The following RALGAPA1 variants were observed in gnomAD, a reference collection of about 807,000 sequenced individuals.
RALGAPA1 encodes ral GTPase-activating protein subunit alpha-1.
A neutral mutation model predicts 269.6 loss-of-function variants in RALGAPA1; 52 were observed. That is an observed-to-expected ratio of 0.19 (90% CI 0.15 to 0.24). The LOEUF (loss-of-function observed/expected upper bound fraction) is 0.24, where lower values mean the gene tolerates loss of function less well. Ranked by LOEUF, RALGAPA1 falls within the 10% of genes least tolerant of loss-of-function variation. RALGAPA1 has a pLI of 1.00. For synonymous variants in RALGAPA1, 817 were observed against 1,008.3 expected, an observed-to-expected ratio of 0.81 and a Z score of 3.60; for missense variants, 1,917 against 3,013.9, an observed-to-expected ratio of 0.64 and a Z score of 8.52.
In RALGAPA1 at chr14:35,723,277, A is replaced by G; in HGVS notation, c.1867-13T>C. The G allele has an allele frequency of 7.1e-7, 1 of 1,412,480 alleles. No individual in the cohort carries two copies. Among genetic ancestry groups the G allele is most frequent in the Non-Finnish European group, 9.9e-7 (1 of 1,011,948 alleles). 87.5% of individuals were successfully genotyped at this position (1,412,480 alleles called of 1,614,324 possible). A position where few individuals can be genotyped will look rare whatever the true frequency, so the allele number is the denominator to read the frequency against. ...CAACTATAAGGGTCTATAAAGACAA[A>G]TATCAGAAATAACAATAAAATGTGT... On this transcript the variant is annotated splice_polypyrimidine_tract_variant and intron_variant, in intron 14 of 41. Transcript: ENST00000680220.
chr14:35,786,915 A>G (rs1282542802), intron 1 of RALGAPA1, among the ~76,000 whole-genome samples: 1 of 152,198 alleles, frequency 6.6e-6, no homozygotes, highest in East Asian at 1.9e-4. Flanking sequence ...TACATCTCAT[A>G]TATGAGTGTG....
chr14:35,603,021 G>T (rs568908871), intron 36 of RALGAPA1, among the ~76,000 whole-genome samples: 1 of 152,136 alleles, frequency 6.6e-6, no homozygotes, highest in Non-Finnish European at 1.5e-5. Context: ...GATGGTTGTG[G>T]CACCCTTGTC....
intron 4 of RALGAPA1, among the ~76,000 whole-genome samples, chr14:35,769,694 G>A (rs1292260325): frequency 6.6e-6 from 1 of 151,964 alleles, no homozygotes; most frequent in Non-Finnish European, 1.5e-5. Context: ...TTACTCTAAG[G>A]AATAACTTGA....
chr14:35,800,157 C>T (rs987117692), intron 1 of RALGAPA1, among the ~76,000 whole-genome samples: 3 of 152,176 alleles, frequency 2.0e-5, no homozygotes, highest in African/African-American at 7.2e-5. Flanking sequence ...CTTCAGCCCT[C>T]TTCTCTCAGT....
chr14:35,688,364 A>G, intron 18 of RALGAPA1, 95 bp downstream of exon 18: 1 of 1,426,746 alleles, frequency 7.0e-7, no homozygotes, highest in East Asian at 2.5e-5. Flanking sequence ...TGACCATCCC[A>G]AAGCTTTTTG....
chr14:35,773,905 AATTATT>A (rs547517754), intron 3 of RALGAPA1, among the ~76,000 whole-genome samples: 7 of 151,134 alleles, frequency 4.6e-5, no homozygotes, highest in Non-Finnish European at 8.8e-5. Flanking sequence ...CTAAAGAGTG[AATTATT>A]ATTATTATTA....
In RALGAPA1 at chr14:35,671,537, G is replaced by GA. The variant is rs1555397889; in HGVS notation, c.5074-21dup. 7 of 1,386,712 alleles carry GA rather than the reference G, an allele frequency of 5.0e-6. No homozygotes were observed. Among genetic ancestry groups the GA allele is most frequent in the Non-Finnish European group, 7.1e-6 (7 of 984,818 alleles). 85.9% of individuals were successfully genotyped at this position (1,386,712 alleles called of 1,614,324 possible). A position where few individuals can be genotyped will look rare whatever the true frequency, so the allele number is the denominator to read the frequency against. ...AATATCCTTAGAATAAGGAAAGAAGGAAAAAAGAATATCACATATGTAATC... is the reference window on the plus strand; with the variant it reads ...AATATCCTTAGAATAAGGAAAGAAGGAAAAAAAGAATATCACATATGTAATC... On this transcript the variant is annotated intron_variant, in intron 25 of 41. Coordinates refer to ENST00000680220, the MANE Select transcript of RALGAPA1 (RefSeq NM_001346249.2).
chr14:35,751,993 G>A, intron 8 of RALGAPA1, 31 bp downstream of exon 8: 1 of 1,560,712 alleles, frequency 6.4e-7, no homozygotes, highest in Non-Finnish European at 8.6e-7. Flanking sequence ...TCTTAAGTGT[G>A]ATCTTTCAGA....
At chr14:35,614,458 C>T (rs554470113) in intron 35 of RALGAPA1, among the ~76,000 whole-genome samples, 3 of 152,090 alleles carry the variant, frequency 2.0e-5, no homozygotes, top group African/African-American at 7.2e-5. Context: ...AAAAAAGCTG[C>T]CACAAAAACC....
chr14:35,794,346 A>G (rs1461674507), intron 1 of RALGAPA1, among the ~76,000 whole-genome samples: 2 of 152,040 alleles, frequency 1.3e-5, no homozygotes, highest in African/African-American at 4.8e-5. Context: ...ATATATATGC[A>G]CACACACACG....
At chr14:35,605,392 T>C (rs535938797) in intron 36 of RALGAPA1, among the ~76,000 whole-genome samples, 194 bp downstream of exon 36, 1 of 152,268 alleles carries the variant, frequency 6.6e-6, no homozygotes, top group African/African-American at 2.4e-5. Context: ...TCTCATAAAA[T>C]AGTCAACATC....
At position 35,635,480 on chromosome 14, in the gene RALGAPA1, A is replaced by G; in HGVS notation, c.5795T>C (p.Leu1932Pro). 6.3e-7 allele frequency: 1 copy of G among 1,597,510 alleles called. No homozygotes were observed. Among genetic ancestry groups the G allele is most frequent in the Non-Finnish European group, 8.5e-7 (1 of 1,174,176 alleles). Residue 1932 changes from leucine (L) to proline (P), a missense_variant, in exon 32 of 42, where the codon CTC (leucine) becomes CCC (proline). Leu to Pro is a moderately conservative substitution (Grantham distance 98). Transcript: ENST00000680220. ...AESDKTEKSV[L>P]NCIYKVLHGC... ...GAAGTTTACCTTATAAATGCAATTG[A>G]GAACAGATTTTTCTGTTTTATCGCT...
In RALGAPA1 at chr14:35,689,065, C is replaced by A; in HGVS notation, c.3346G>T (p.Val1116Phe). 8.1e-7 allele frequency: 1 copy of A among 1,235,782 alleles called. No individual in the cohort carries two copies. The highest frequency in any genetic ancestry group is 1.0e-6 in the Non-Finnish European group (1 of 990,156). 76.6% of individuals were successfully genotyped at this position (1,235,782 alleles called of 1,614,324 possible). The part of the protein sequence containing the change: ...KAPVNRRMPH[V>F]TSTSKLSPTK... ...GGAGAAAGTTTGCTAGTACTTGTAA[C>A]ATGAGGCATTCTGCGGTTAACAGGT... Residue 1116 changes from valine to phenylalanine, a missense_variant, in exon 18 of 42, where the codon GTT becomes TTT. Coordinates refer to ENST00000680220, the MANE Select transcript of RALGAPA1 (RefSeq NM_001346249.2).
intron 33 of RALGAPA1, among the ~76,000 whole-genome samples, chr14:35,631,905 C>T (rs1222717423): frequency 1.3e-5 from 2 of 151,994 alleles, no homozygotes; most frequent in Non-Finnish European, 2.9e-5. Flanking sequence ...CAGGTCTTTC[C>T]CTAAAACATA....
intron 1 of RALGAPA1, among the ~76,000 whole-genome samples, chr14:35,786,239 T>A (rs2075785322): frequency 6.6e-6 from 1 of 152,012 alleles, no homozygotes; most frequent in African/African-American, 2.4e-5. Flanking sequence ...GTGCTGGAGG[T>A]AAGAAATATG....
intron 10 of RALGAPA1, among the ~76,000 whole-genome samples, chr14:35,743,884 G>T (rs2071798802): frequency 6.6e-6 from 1 of 151,676 alleles, no homozygotes; most frequent in Non-Finnish European, 1.5e-5. Flanking sequence ...TTTTCTTCCA[G>T]TATTTTCTGG....
chr14:35,566,242 C>G (rs1291294781), intron 39 of RALGAPA1, among the ~76,000 whole-genome samples: 1 of 152,140 alleles, frequency 6.6e-6, no homozygotes, highest in Non-Finnish European at 1.5e-5. Context: ...GCTTGAAAGA[C>G]AGTCATCAAT....
At chr14:35,684,775 G>C (rs1302532158) in intron 20 of RALGAPA1, among the ~76,000 whole-genome samples, 154 bp downstream of exon 20, 1 of 151,996 alleles carries the variant, frequency 6.6e-6, no homozygotes, top group Non-Finnish European at 1.5e-5. Flanking sequence ...AGACAACATA[G>C]CAAGACCAAA....
chr14:35,656,434 T>G (rs1566934922), intron 28 of RALGAPA1, among the ~76,000 whole-genome samples: 1 of 152,208 alleles, frequency 6.6e-6, no homozygotes, highest in Non-Finnish European at 1.5e-5. Context: ...TGTAGAATTT[T>G]TATCCTGTTC....
Sources: gnomAD v4.1 joint callset for allele counts (sites outside exome capture counted in the v4.1 genomes callset) on GRCh38, gnomAD v4.1.1 for gene constraint, MANE v1.5 for transcripts, NCBI Gene and HGNC (gene_info 2026-07-23, HGNC 2026-07-21) for gene names.